Variants in CAMTA1 observed in about 807,000 individuals in gnomAD.
The protein encoded by CAMTA1 is calmodulin binding transcription activator 1, also known as calmodulin-binding transcription activator 1.
A neutral mutation model predicts 170.9 loss-of-function variants in CAMTA1; 27 were observed. That is an observed-to-expected ratio of 0.16 (90% CI 0.12 to 0.22). CAMTA1 has a LOEUF of 0.22. Ranked by LOEUF, CAMTA1 falls within the 10% of genes least tolerant of loss-of-function variation. CAMTA1 has a pLI of 1.00. For missense variants in CAMTA1, 1,619 were observed against 2,217.2 expected (o/e 0.73, Z 5.42); for synonymous variants, 833 against 891.5 (o/e 0.93, Z 1.17).
In CAMTA1 at chr1:7,018,681, G is replaced by A. The variant is rs1052780869; in HGVS notation, c.235-72623G>A. On this transcript the variant is annotated intron_variant, in intron 3 of 22. Transcript: ENST00000303635. ...GTTCTCGATAACCGGAATCAGCACC[G>A]CTCTCCTTCCTGTCATGTAGCCCTG... 3.3e-5 allele frequency among the ~76,000 whole-genome samples: 5 copies of A among 152,146 alleles called. No homozygotes were observed. In the South Asian group the frequency reaches 8.3e-4, roughly 25 times the overall value.
intron 6 of CAMTA1, among the ~76,000 whole-genome samples, chr1:7,553,196 TGCATG>T (rs1307366075): frequency 3.9e-5 from 6 of 152,202 alleles, no homozygotes; most frequent in Non-Finnish European, 8.8e-5. Context: ...AATGAGTGAA[TGCATG>T]AATGAGTGAA....
At chr1:7,107,999 C>T (rs1029286887) in intron 4 of CAMTA1, among the ~76,000 whole-genome samples, 1 of 152,164 alleles carries the variant, frequency 6.6e-6, no homozygotes, top group Non-Finnish European at 1.5e-5. Flanking sequence ...CGCTCAGTCC[C>T]CATGGGACAT....
At chr1:7,465,786 G>A (rs1236827639) in intron 5 of CAMTA1, among the ~76,000 whole-genome samples, 1 of 152,176 alleles carries the variant, frequency 6.6e-6, no homozygotes, top group Admixed American at 6.5e-5. Flanking sequence ...ACCTCTGAGT[G>A]TGGGGTTCAG....
At chr1:7,182,442 C>T (rs563308154) in intron 4 of CAMTA1, among the ~76,000 whole-genome samples, 66 of 150,366 alleles carry the variant, frequency 4.4e-4, no homozygotes, top group Non-Finnish European at 7.7e-4. Flanking sequence ...TGCAGTGAAC[C>T]GTGATCGTGC....
intron 4 of CAMTA1, among the ~76,000 whole-genome samples, chr1:7,109,004 C>T (rs559545405): frequency 6.6e-6 from 1 of 152,294 alleles, no homozygotes; most frequent in Non-Finnish European, 1.5e-5. Context: ...GAGCTGAGGG[C>T]TGAACTCCTT....
At position 7,641,165 on chromosome 1, in the gene CAMTA1, C is replaced by T. The variant is rs1178215040; in HGVS notation, c.664+612C>T. On this transcript the variant is annotated intron_variant, in intron 7 of 22. Transcript: ENST00000303635. This position sits in a 1 kb window ranked among gnomAD's most constrained non-coding sequence, Gnocchi z 4.5. ...GCTCCGTACTTTGTTGCCGTGGCCA[C>T]AGCTCCCGGCAGCCGCTGGCGGCTC... is the stretch of plus-strand genomic sequence containing the variant. Among the ~76,000 whole-genome samples the T allele has an allele frequency of 6.6e-6, 1 of 152,230 alleles. No individual in the cohort carries two copies. The highest frequency in any genetic ancestry group is 1.5e-5 in the Non-Finnish European group (1 of 68,038).
chr1:7,655,110 A>ACACCCACACC (rs2095880004), intron 7 of CAMTA1, among the ~76,000 whole-genome samples: 1 of 83,158 alleles, frequency 1.2e-5, no homozygotes, highest in African/African-American at 4.1e-5. Context: ...ACCTATACAC[A>ACACCCACACC]CACCTATACA....
intron 3 of CAMTA1, among the ~76,000 whole-genome samples, chr1:6,896,529 T>C (rs1040995556): frequency 1.3e-5 from 2 of 152,282 alleles, no homozygotes; most frequent in East Asian, 1.9e-4. Context: ...GATAGAGATA[T>C]TTGCGGAAAT....
At chr1:7,349,581 C>T (rs767302666) in intron 5 of CAMTA1, among the ~76,000 whole-genome samples, 14 of 152,158 alleles carry the variant, frequency 9.2e-5, no homozygotes, top group Non-Finnish European at 1.9e-4. Flanking sequence ...AGTCTGAGAT[C>T]GAGGTGCGGG....
At chr1:7,148,123 TAAA>T in intron 4 of CAMTA1, among the ~76,000 whole-genome samples, 1 of 136,530 alleles carries the variant, frequency 7.3e-6, no homozygotes, top group African/African-American at 2.8e-5. Flanking sequence ...GCACACACAC[TAAA>T]AATACACAAT....
chr1:7,017,027 G>A (rs964049146), intron 3 of CAMTA1, among the ~76,000 whole-genome samples: 3 of 152,118 alleles, frequency 2.0e-5, no homozygotes, highest in Non-Finnish European at 4.4e-5. Flanking sequence ...CCTGGGACCT[G>A]TACACAGGTG....
chr1:7,319,673 T>C lies in CAMTA1; in HGVS notation c.438+70047T>C, dbSNP rs72641299. Among the ~76,000 whole-genome samples the C allele has an allele frequency of 1.9e-4, 29 of 152,300 alleles. No homozygotes were observed. The South Asian group carries it at 5.8e-3, about 30-fold the overall frequency. On this transcript the variant is annotated intron_variant, in intron 5 of 22. Coordinates refer to ENST00000303635, the MANE Select transcript of CAMTA1 (RefSeq NM_015215.4). ...CATCAGGATATAATCATTCATTCAT[T>C]CACTCATTCAGCAAATAATTACTGA... is the stretch of plus-strand genomic sequence containing the variant.
intron 5 of CAMTA1, among the ~76,000 whole-genome samples, chr1:7,405,616 C>T: frequency 6.6e-6 from 1 of 152,184 alleles, no homozygotes; most frequent in East Asian, 1.9e-4. Flanking sequence ...AAGTCATCTG[C>T]CCACCTTGGC....
intron 4 of CAMTA1, among the ~76,000 whole-genome samples, chr1:7,103,858 C>CGT (rs1558103131): frequency 2.0e-5 from 3 of 148,984 alleles, no homozygotes; most frequent in African/African-American, 7.4e-5. Flanking sequence ...ACACAACACA[C>CGT]ATACACACAC....
At chr1:7,200,548 T>C (rs1043487376) in intron 4 of CAMTA1, among the ~76,000 whole-genome samples, 1 of 152,220 alleles carries the variant, frequency 6.6e-6, no homozygotes, top group Non-Finnish European at 1.5e-5. Flanking sequence ...CCGTCTTTCT[T>C]TTTCTTTCTT....
intron 7 of CAMTA1, among the ~76,000 whole-genome samples, chr1:7,654,594 A>G (rs531607955): frequency 8.0e-5 from 6 of 74,748 alleles, no homozygotes; most frequent in Non-Finnish European, 1.7e-4. Context: ...ACACACAGCT[A>G]TACACACACA....
intron 5 of CAMTA1, among the ~76,000 whole-genome samples, chr1:7,281,348 G>C (rs1671479389): frequency 6.6e-6 from 1 of 152,162 alleles, no homozygotes; most frequent in South Asian, 2.1e-4. Context: ...TATGTCAAAG[G>C]CCTGGTCTGC....
intron 3 of CAMTA1, among the ~76,000 whole-genome samples, chr1:7,061,588 G>A (rs1708215998): frequency 6.6e-6 from 1 of 152,052 alleles, no homozygotes; most frequent in South Asian, 2.1e-4. Flanking sequence ...ATTTTGAGCA[G>A]GAGCTCAGCA....
intron 6 of CAMTA1, among the ~76,000 whole-genome samples, chr1:7,489,558 C>T (rs1185311932): frequency 6.6e-6 from 1 of 152,188 alleles, no homozygotes; most frequent in Admixed American, 6.5e-5. Context: ...GCTAGGGTTG[C>T]AGGGGTGATC....
Sources: allele counts gnomAD v4.1 joint callset (sites outside exome capture counted in the v4.1 genomes callset), GRCh38; gene constraint gnomAD v4.1.1; non-coding constraint Gnocchi (gnomAD v3.1); transcripts MANE v1.5; gene names NCBI Gene and HGNC (gene_info 2026-07-23, HGNC 2026-07-21).